Variants in MEI4 observed in about 807,000 individuals in gnomAD.
MEI4 encodes the protein meiosis-specific protein MEI4.
In MEI4, 27 loss-of-function variants were observed where a neutral mutation model predicts 31.4. The ratio of observed to expected loss-of-function variants is 0.86; its 90% CI spans 0.63 to 1.19. MEI4 has a LOEUF of 1.19. Ranked by LOEUF, MEI4 falls within the 50% of genes most tolerant of loss-of-function variation. MEI4 has a pLI of 0.00. For synonymous variants in MEI4, 122 were observed against 145.4 expected (o/e 0.84, Z 1.16); for missense variants, 329 against 398.9 (o/e 0.82, Z 1.49).
intron 4 of MEI4, among the ~76,000 whole-genome samples, chr6:77,888,415 T>C (rs1771677522): frequency 6.6e-6 from 1 of 152,044 alleles, no homozygotes; most frequent in Non-Finnish European, 1.5e-5. Flanking sequence ...TTTGTTTTTC[T>C]TATTTTTGCA....
At chr6:77,906,700 C>A (rs1453325789) in intron 4 of MEI4, among the ~76,000 whole-genome samples, 1 of 152,132 alleles carries the variant, frequency 6.6e-6, no homozygotes, top group African/African-American at 2.4e-5. Context: ...TATAGGCTTG[C>A]AGGGAGGGAA....
At chr6:77,876,738 C>G (rs1459913423) in intron 4 of MEI4, among the ~76,000 whole-genome samples, 2 of 152,058 alleles carry the variant, frequency 1.3e-5, no homozygotes, top group Non-Finnish European at 2.9e-5. Flanking sequence ...GGAACCCCAC[C>G]ATGTTTCTGC....
At chr6:77,920,474 C>T (rs1766677769) in intron 4 of MEI4, among the ~76,000 whole-genome samples, 2 of 151,946 alleles carry the variant, frequency 1.3e-5, no homozygotes, top group Non-Finnish European at 2.9e-5. Context: ...GTGACTTCCT[C>T]CACTGAAGTC....
intron 1 of MEI4, among the ~76,000 whole-genome samples, chr6:77,671,197 C>T (rs1431877541): frequency 1.3e-5 from 2 of 151,576 alleles, no homozygotes; most frequent in Non-Finnish European, 2.9e-5. Flanking sequence ...GCTGGGACTA[C>T]AGGTGTGCAC....
chr6:77,651,215 T>A (rs1768292862), upstream of MEI4, among the ~76,000 whole-genome samples: 1 of 151,786 alleles, frequency 6.6e-6, no homozygotes, highest in South Asian at 2.1e-4. Flanking sequence ...AAGGCAAGAG[T>A]GAGGAATACA....
chr6:77,803,541 A>AGGCACTC (rs1391295874), intron 3 of MEI4, among the ~76,000 whole-genome samples: 1 of 152,188 alleles, frequency 6.6e-6, no homozygotes, highest in Non-Finnish European at 1.5e-5. Context: ...GGTGGAGAAG[A>AGGCACTC]GGCACTCTGA....
intron 1 of MEI4, among the ~76,000 whole-genome samples, chr6:77,668,102 T>C (rs1486679789): frequency 6.6e-6 from 1 of 151,556 alleles, no homozygotes; most frequent in Non-Finnish European, 1.5e-5. Context: ...CACCACCAAA[T>C]TGAATGTTTA....
intron 2 of MEI4, among the ~76,000 whole-genome samples, chr6:77,693,080 T>C (rs1282202993): frequency 6.6e-6 from 1 of 151,984 alleles, no homozygotes; most frequent in African/African-American, 2.4e-5. Context: ...CTGTGGGTAA[T>C]AGGAGACTTT....
At chr6:77,797,099 C>G (rs1302164578) in intron 3 of MEI4, among the ~76,000 whole-genome samples, 1 of 152,148 alleles carries the variant, frequency 6.6e-6, no homozygotes, top group African/African-American at 2.4e-5. Context: ...AAAGGATAGT[C>G]TCTTTAATAA....
chr6:77,743,018 C>T (rs1767462010), intron 2 of MEI4, among the ~76,000 whole-genome samples: 1 of 152,034 alleles, frequency 6.6e-6, no homozygotes, highest in Admixed American at 6.5e-5. Context: ...GTTTTGGTTA[C>T]TGTAGCCTTA....
At chr6:77,918,035 C>T (rs1766604657) in intron 4 of MEI4, among the ~76,000 whole-genome samples, 1 of 151,506 alleles carries the variant, frequency 6.6e-6, no homozygotes, top group Non-Finnish European at 1.5e-5. Context: ...ATCCTTTCCC[C>T]ATTGCTTGTT....
intron 1 of MEI4, among the ~76,000 whole-genome samples, chr6:77,672,381 A>G (rs1246734647): frequency 6.6e-6 from 1 of 152,208 alleles, no homozygotes. Flanking sequence ...CTGCTTATTT[A>G]AAATTATTTT....
chr6:77,817,176 A>C (rs1769709024), intron 3 of MEI4, among the ~76,000 whole-genome samples: 1 of 152,172 alleles, frequency 6.6e-6, no homozygotes. Flanking sequence ...AATAGGTATT[A>C]AGGGCAGAAT....
At chr6:77,773,606 G>A (rs901334057) in intron 3 of MEI4, among the ~76,000 whole-genome samples, 1 of 152,018 alleles carries the variant, frequency 6.6e-6, no homozygotes, top group Non-Finnish European at 1.5e-5. Context: ...ATTGGTCTGG[G>A]CAAAGGTTTC....
chr6:77,919,155 A>G (rs1766639652), intron 4 of MEI4, among the ~76,000 whole-genome samples: 1 of 152,044 alleles, frequency 6.6e-6, no homozygotes, highest in Admixed American at 6.6e-5. Flanking sequence ...GACCTAATAG[A>G]CATCTACAGA....
At chr6:77,736,390 C>T (rs981785953) in intron 2 of MEI4, among the ~76,000 whole-genome samples, 20 of 152,036 alleles carry the variant, frequency 1.3e-4, no homozygotes, top group East Asian at 1.9e-4. Context: ...GGGAGTGACC[C>T]GATTTTCCAG....
chr6:77,666,150 C>T (rs964830616), intron 1 of MEI4, among the ~76,000 whole-genome samples: 7 of 151,672 alleles, frequency 4.6e-5, no homozygotes, highest in Admixed American at 1.3e-4. Context: ...TCGGGATAGG[C>T]GGTGAAGTTA....
intron 1 of MEI4, among the ~76,000 whole-genome samples, chr6:77,669,749 A>C (rs796244489): frequency 5.9e-5 from 9 of 152,300 alleles, no homozygotes; most frequent in African/African-American, 2.2e-4. Context: ...TAAATCCTTT[A>C]CCTGAATTAT....
At chr6:77,810,441 G>A (rs149448590) in intron 3 of MEI4, among the ~76,000 whole-genome samples, 18 of 152,226 alleles carry the variant, frequency 1.2e-4, no homozygotes, top group East Asian at 3.9e-4. Flanking sequence ...CGGAAAAAGC[G>A]TATTTAAGAG....
Sources: gnomAD v4.1 joint callset for allele counts (sites outside exome capture counted in the v4.1 genomes callset) on GRCh38, gnomAD v4.1.1 for gene constraint, MANE v1.5 for transcripts, NCBI Gene and HGNC (gene_info 2026-07-23, HGNC 2026-07-21) for gene names.